SDHB: variants seen among roughly 807,000 people sequenced by gnomAD.
The protein encoded by SDHB is succinate dehydrogenase [ubiquinone] iron-sulfur subunit, mitochondrial.
SDHB carries 21 observed loss-of-function variants against 39.7 expected under a neutral mutation model. The observed-to-expected ratio is 0.53, with a 90% CI of 0.37 to 0.76. The LOEUF is 0.76. SDHB is among the 30% of genes least tolerant of loss of function. SDHB has a pLI of 0.00. For synonymous variants in SDHB, 118 were observed against 117.0 expected, an observed-to-expected ratio of 1.01 and a Z score of -0.06; for missense variants, 343 against 350.9, an observed-to-expected ratio of 0.98 and a Z score of 0.18.
chr1:17,023,990 G>T lies in SDHB; in HGVS notation c.625C>A (p.Pro209Thr). ...YWWNGDKYLG[P>T]AVLMQAYRWM... ...CACCTCACCTGCATAAGAACTGCAGGCCCCAGATATTTGTCTCCGTTCCAC... is the reference window on the plus strand; with the variant it reads ...CACCTCACCTGCATAAGAACTGCAGTCCCCAGATATTTGTCTCCGTTCCAC... The change falls in exon 6 of 8, where the codon CCT (proline) becomes ACT (threonine). Residue 209 changes from proline (P) to threonine (T), a missense_variant. Pro to Thr is a conservative substitution (Grantham distance 38). Coordinates refer to ENST00000375499, the MANE Select transcript of SDHB (RefSeq NM_003000.3). 1 of 1,613,304 alleles carries T rather than the reference G, an allele frequency of 6.2e-7. No homozygotes were observed.
chr1:17,041,419 C>T (rs1176147895), intron 2 of SDHB, among the ~76,000 whole-genome samples: 4 of 152,130 alleles, frequency 2.6e-5, no homozygotes, highest in Non-Finnish European at 4.4e-5. Flanking sequence ...CCTGTAATCA[C>T]AGCACTTTGG....
At position 17,027,604 on chromosome 1, in the gene SDHB, G is replaced by A. The variant is rs577403328; in HGVS notation, c.540+145C>T. The A allele has an allele frequency of 6.9e-6, 5 of 720,970 alleles. No homozygotes were observed. In the South Asian group the frequency reaches 7.3e-5, roughly 11 times the overall value. 44.7% of individuals were successfully genotyped at this position (720,970 alleles called of 1,614,324 possible). A position where few individuals can be genotyped will look rare whatever the true frequency, so the allele number is the denominator to read the frequency against. ...CACACTACTCACCCGGCCCTAAGAG[G>A]ATGAGTGCCCCACCCTTGTGCCAGT... is the stretch of plus-strand genomic sequence containing the variant. On this transcript the variant is annotated intron_variant, in intron 5 of 7. Transcript: ENST00000375499.
intron 1 of SDHB, chr1:17,052,301 T>G (rs566534740): frequency 2.4e-4 from 37 of 152,320 alleles, no homozygotes; most frequent in African/African-American, 8.4e-4. Context: ...TAAAAAGAAT[T>G]CAGAACCTGA....
intron 2 of SDHB, 146 bp downstream of exon 2, chr1:17,044,615 C>A: frequency 1.0e-6 from 1 of 969,188 alleles, no homozygotes; most frequent in Non-Finnish European, 1.6e-6. Context: ...CGTGAGCCAC[C>A]GTGCCCGGCC....
At chr1:17,053,653 T>C (rs1412370190) in intron 1 of SDHB, among the ~76,000 whole-genome samples, 3 of 151,988 alleles carry the variant, frequency 2.0e-5, no homozygotes, top group Non-Finnish European at 4.4e-5. Flanking sequence ...CCAGCAGTCA[T>C]TCGCTTGCCA....
At position 17,050,372 on chromosome 1, in the gene SDHB, G is replaced by C. The variant is rs2078139166; in HGVS notation, c.72+3576C>G. Among the ~76,000 whole-genome samples, 2 of 150,146 alleles carry C rather than the reference G, an allele frequency of 1.3e-5. 1 individual carries two copies. The highest frequency in any genetic ancestry group is 4.2e-4 in the South Asian group (2 of 4,812). Reference sequence around the variant, plus strand: ...TGTCAAAAATGTATTTTATAGGCCAGGCGTGGTGGCTCATGCCTGTAATCC... The same window carrying C: ...TGTCAAAAATGTATTTTATAGGCCACGCGTGGTGGCTCATGCCTGTAATCC... On this transcript the variant is annotated intron_variant, in intron 1 of 7. Transcript: ENST00000375499.
intron 2 of SDHB, among the ~76,000 whole-genome samples, chr1:17,037,770 G>GT (rs926209139): frequency 1.2e-3 from 180 of 151,600 alleles, no homozygotes; most frequent in African/African-American, 4.1e-3. Flanking sequence ...CTAATTTTTT[G>GT]TTTGCTTTTT....
intron 5 of SDHB, among the ~76,000 whole-genome samples, chr1:17,025,264 C>T (rs2077985426): frequency 6.6e-6 from 1 of 151,886 alleles, no homozygotes; most frequent in African/African-American, 2.4e-5. Flanking sequence ...AGAAAATGCT[C>T]ACAATAACAT....
At chr1:17,040,612 G>A (rs558269487) in intron 2 of SDHB, among the ~76,000 whole-genome samples, 13 of 152,114 alleles carry the variant, frequency 8.5e-5, no homozygotes, top group Admixed American at 2.6e-4. Flanking sequence ...GTGCCACCAC[G>A]CCTGGCTAAT....
chr1:17,027,960 T>TACTC, intron 4 of SDHB, 95 bp from the exon 5 acceptor site: 1 of 757,730 alleles, frequency 1.3e-6, no homozygotes, highest in Non-Finnish European at 2.3e-6. Flanking sequence ...GGACACTGAC[T>TACTC]ACTCGTCCAC....
intron 2 of SDHB, among the ~76,000 whole-genome samples, chr1:17,040,685 G>C (rs2078074863): frequency 6.6e-6 from 1 of 152,056 alleles, no homozygotes; most frequent in Non-Finnish European, 1.5e-5. Context: ...GCTGGTCTTG[G>C]ACTCTTGGCC....
intron 4 of SDHB, 63 bp from the exon 5 acceptor site, chr1:17,027,928 AGCTTTATT>A: frequency 1.0e-6 from 1 of 991,568 alleles, no homozygotes; most frequent in Non-Finnish European, 1.6e-6. Flanking sequence ...TCATCACCTC[AGCTTTATT>A]TACCCCATTT....
At chr1:17,048,158 G>A (rs1234011466) in intron 1 of SDHB, among the ~76,000 whole-genome samples, 7 of 152,080 alleles carry the variant, frequency 4.6e-5, no homozygotes, top group African/African-American at 1.7e-4. Flanking sequence ...CCTGTACTCC[G>A]TAAGCCCTAG....
intron 3 of SDHB, 59 bp downstream of exon 3, chr1:17,033,001 G>A: frequency 7.3e-7 from 1 of 1,363,884 alleles, no homozygotes; most frequent in Non-Finnish European, 1.0e-6. Context: ...GCTTTGGCCA[G>A]CCCAAGCCTC....
intron 1 of SDHB, among the ~76,000 whole-genome samples, chr1:17,048,414 A>G (rs2078125563): frequency 6.6e-6 from 1 of 152,118 alleles, no homozygotes. Flanking sequence ...GGGTGTTCTA[A>G]TTTTTGGTGA....
intron 1 of SDHB, among the ~76,000 whole-genome samples, chr1:17,052,919 TG>T (rs2078156640): frequency 6.6e-6 from 1 of 152,194 alleles, no homozygotes. Flanking sequence ...GTTAAAAAAC[TG>T]CCTCAGGTCT....
chr1:17,034,454 C>T (rs2078039495), intron 2 of SDHB, among the ~76,000 whole-genome samples: 1 of 151,948 alleles, frequency 6.6e-6, no homozygotes, highest in African/African-American at 2.4e-5. Flanking sequence ...GATCTCGGCT[C>T]ACTGCAACCT....
At chr1:17,027,908 T>C (rs751173676) in intron 4 of SDHB, 43 bp from the exon 5 acceptor site, 4 of 1,153,786 alleles carry the variant, frequency 3.5e-6, no homozygotes, top group Non-Finnish European at 5.2e-6. Context: ...AAGAAAAGGA[T>C]CAGATTCCAT....
chr1:17,033,574 C>T (rs2078034329), intron 2 of SDHB, among the ~76,000 whole-genome samples: 2 of 152,228 alleles, frequency 1.3e-5, no homozygotes, highest in African/African-American at 2.4e-5. Flanking sequence ...ATAAAAGACA[C>T]CCAATCACTC....
Sources: allele counts gnomAD v4.1 joint callset (sites outside exome capture counted in the v4.1 genomes callset), GRCh38; gene constraint gnomAD v4.1.1; transcripts MANE v1.5; gene names NCBI Gene and HGNC (gene_info 2026-07-23, HGNC 2026-07-21).